Variants in CTSH observed in about 807,000 individuals in gnomAD.
The protein encoded by CTSH is pro-cathepsin H.
CTSH carries 52 observed loss-of-function variants against 56.3 expected under a neutral mutation model. The observed-to-expected ratio is 0.92, with a 90% CI of 0.74 to 1.16. CTSH has a LOEUF of 1.16. Among genes scored for constraint, CTSH ranks in the 50% most tolerant of loss-of-function variants. The pLI is 0.00. For missense variants in CTSH, 406 were observed against 424.5 expected (o/e 0.96, Z 0.38); for synonymous variants, 174 against 155.7 (o/e 1.12, Z -0.88).
rs1483597323 is a variant in CTSH, at chr15:78,934,962, A to G, written c.405+16T>C. ...TGGCCGTTTTGCAGGGAGAGGATGG[A>G]GATTGCCAGGCATACCTGATTTTTC... is the stretch of plus-strand genomic sequence containing the variant. On this transcript the variant is annotated intron_variant, in intron 5 of 11. Transcript: ENST00000220166. 4 of 1,553,356 alleles carry G rather than the reference A, an allele frequency of 2.6e-6. No individual in the cohort carries two copies. In the African/African-American group the frequency reaches 4.1e-5, roughly 16 times the overall value.
intron 5 of CTSH, among the ~76,000 whole-genome samples, chr15:78,933,974 T>G (rs146128458): frequency 1.6e-3 from 248 of 152,296 alleles, no homozygotes; most frequent in African/African-American, 4.5e-3. Context: ...GGAAAATTCT[T>G]GGTGGGCCTC....
chr15:78,935,269 G>C (rs773968528), intron 4 of CTSH, among the ~76,000 whole-genome samples, 187 bp from the exon 5 acceptor site: 2 of 152,168 alleles, frequency 1.3e-5, no homozygotes, highest in Non-Finnish European at 2.9e-5. Context: ...TGAGAGTCCA[G>C]AGCATTAGGA....
chr15:78,925,188 G>A (rs2054876185), intron 10 of CTSH, 146 bp downstream of exon 10: 3 of 589,682 alleles, frequency 5.1e-6, no homozygotes, highest in African/African-American at 1.9e-5. Context: ...TGAGGGATGT[G>A]CAAAACGCCC....
At chr15:78,943,692 A>G (rs1287002696) in intron 1 of CTSH, among the ~76,000 whole-genome samples, 4 of 152,232 alleles carry the variant, frequency 2.6e-5, no homozygotes, top group Non-Finnish European at 4.4e-5. Context: ...ACTCACTTAC[A>G]TACAATCTAT....
Position 78,944,904 on chromosome 15 carries a change from G to A in CTSH, c.78C>T (p.Cys26=), listed in dbSNP as rs887763614. 1.9e-6 allele frequency: 3 copies of A among 1,548,702 alleles called. No individual in the cohort carries two copies. The highest frequency in any genetic ancestry group is 1.7e-6 in the Non-Finnish European group (2 of 1,146,052). Residue 26 remains cysteine, a synonymous_variant, in exon 1 of 12, where the codon TGC becomes TGT. Transcript: ENST00000220166. ...CCCTCTGCGTACCTAAGGAGTTCACGCACAGTTCGGCGGCACCGCAGACGG... is the reference window on the plus strand; with the variant it reads ...CCCTCTGCGTACCTAAGGAGTTCACACACAGTTCGGCGGCACCGCAGACGG... ...GVPVCGAAEL[C]VNSLEKFHFK...
intron 10 of CTSH, 82 bp from the exon 11 acceptor site, chr15:78,923,200 G>A: frequency 6.7e-7 from 1 of 1,503,404 alleles, no homozygotes; most frequent in Non-Finnish European, 9.1e-7. Context: ...GCCTCTTTGA[G>A]CGCTTTAGAG....
Position 78,942,215 on chromosome 15 carries a change from C to CTT in CTSH, c.91+2674_91+2675dup, listed in dbSNP as rs35548397. On this transcript the variant is annotated intron_variant, in intron 1 of 11. Transcript: ENST00000220166. ...CCTCCCTCCCTCCCTTTCTTTCCTT[C>CTT]TTTTTTTTTTTTTTTTTTGAGAAGG... is the stretch of plus-strand genomic sequence containing the variant. Among the ~76,000 whole-genome samples, 133 of 110,332 alleles carry CTT rather than the reference C, an allele frequency of 1.2e-3. 1 individual carries two copies. The highest frequency in any genetic ancestry group is 4.1e-3 in the African/African-American group (113 of 27,562). The allele number at this position is 110,332 out of a possible 152,430, so 72.4% of individuals were successfully genotyped here.
rs9806439 is a variant in CTSH, at chr15:78,937,403, C to T, written c.144G>A (p.Thr48=). The T allele has an allele frequency of 3.1e-3, 4,941 of 1,614,124 alleles. 127 individuals are homozygous for T. In the African/African-American group the frequency reaches 0.055, roughly 18 times the overall value. Residue 48 remains threonine, a synonymous_variant, in exon 3 of 12, where the codon ACG becomes ACA. Transcript: ENST00000220166. ...TCTGCAGCCTGTGGTGGTACTCCTCCGTACTGTAGGTCTTACGGTGCTAAA... is the reference window on the plus strand; with the variant it reads ...TCTGCAGCCTGTGGTGGTACTCCTCTGTACTGTAGGTCTTACGGTGCTAAA... ...WMSKHRKTYS[T]EEYHHRLQTF...
intron 5 of CTSH, 90 bp from the exon 6 acceptor site, chr15:78,932,548 G>T: frequency 1.1e-6 from 1 of 951,910 alleles, no homozygotes. Flanking sequence ...GACCCTGCCA[G>T]AGCTCCCGAG....
chr15:78,935,573 G>T, intron 4 of CTSH, 107 bp downstream of exon 4: 1 of 885,824 alleles, frequency 1.1e-6, no homozygotes, highest in Non-Finnish European at 1.8e-6. Flanking sequence ...ACCCTCAGCT[G>T]CATCTGGGGA....
intron 1 of CTSH, chr15:78,944,679 G>T: frequency 1.1e-6 from 1 of 902,942 alleles, no homozygotes; most frequent in Non-Finnish European, 1.5e-6. Flanking sequence ...CAGCCCATCT[G>T]CTCCTCTGGT....
chr15:78,929,569 G>A (rs567759662), intron 7 of CTSH, 76 bp from the exon 8 acceptor site: 14 of 980,806 alleles, frequency 1.4e-5, no homozygotes, highest in African/African-American at 3.3e-5. Context: ...CTGGCGTGGC[G>A]AGATATCTGG....
chr15:78,937,793 C>T, intron 2 of CTSH: 1 of 1,301,822 alleles, frequency 7.7e-7, no homozygotes, highest in Non-Finnish European at 1.0e-6. Flanking sequence ...CCAACTGATT[C>T]TGCAACCAGT....
Position 78,935,691 on chromosome 15 carries a change from A to C in CTSH, c.289T>G (p.Ser97Ala). 1 of 1,610,866 alleles carries C rather than the reference A, an allele frequency of 6.2e-7. No individual in the cohort carries two copies. Among genetic ancestry groups the C allele is most frequent in the Middle Eastern group, 1.7e-4 (1 of 6,056 alleles). The change falls in exon 4 of 12, where the codon TCA (serine) becomes GCA (alanine). Residue 97 changes from serine (S) to alanine (A), a missense_variant. By Grantham distance (99) the Ser-to-Ala change is moderately conservative. Transcript: ENST00000220166. ...FAEIKHKYLW[S>A]EPQNCSATKS... ...TGAATTATACCTACCTGAGGCTCTG[A>C]CCAGAGATACTTGTGTTTTATTTCA...
At position 78,939,547 on chromosome 15, in the gene CTSH, C is replaced by T. The variant is rs762522763; in HGVS notation, c.92-376G>A. On this transcript the variant is annotated intron_variant, in intron 1 of 11. Transcript: ENST00000220166. The stretch of plus-strand genomic sequence containing the variant: ...GGAAATGCATACTCAATGATTTGTG[C>T]CCCTTTCTGTATGAAGTTATATTTC... 4.6e-5 allele frequency among the ~76,000 whole-genome samples: 7 copies of T among 152,256 alleles called. No homozygotes were observed. In the East Asian group the frequency reaches 9.7e-4, roughly 21 times the overall value.
Position 78,930,573 on chromosome 15 carries a change from A to T in CTSH, c.548+878T>A, listed in dbSNP as rs74828045. Among the ~76,000 whole-genome samples the T allele has an allele frequency of 0.026, 3,835 of 149,396 alleles. 422 individuals carry two copies. In the East Asian group the frequency reaches 0.34, roughly 13 times the overall value. On this transcript the variant is annotated intron_variant, in intron 7 of 11. Transcript: ENST00000220166. ...ATAAATAAATAAATAAATAAATAAA[A>T]AATAAAAACGGTGGGACCCCAGAGT...
chr15:78,935,205 C>G (rs968222892), intron 4 of CTSH, 123 bp from the exon 5 acceptor site: 1 of 679,284 alleles, frequency 1.5e-6, no homozygotes, highest in African/African-American at 1.8e-5. Flanking sequence ...CTGCAGCTCT[C>G]AGAACCTTCC....
chr15:78,939,140 C>T lies in CTSH; in HGVS notation c.123G>A (p.Lys41=). The part of the protein sequence containing the change: ...EKFHFKSWMS[K]HRKTYSTEEY... ...CAAAAAGAAGAAGTTGGGCACTGAC[C>T]TTAGACATCCATGACTTGAAGTGAA... Residue 41 remains lysine (K), a splice_region_variant and synonymous_variant, in exon 2 of 12, where the codon AAG becomes AAA. Coordinates refer to ENST00000220166, the MANE Select transcript of CTSH (RefSeq NM_004390.5). 1 of 1,597,014 alleles carries T rather than the reference C, an allele frequency of 6.3e-7. No homozygotes were observed. The highest frequency in any genetic ancestry group is 2.2e-5 in the East Asian group (1 of 44,694).
chr15:78,924,250 AAG>A (rs1330564600), intron 10 of CTSH, among the ~76,000 whole-genome samples: 6 of 152,144 alleles, frequency 3.9e-5, no homozygotes, highest in Admixed American at 2.0e-4. Flanking sequence ...AGTGTGGAAA[AAG>A]AGGGAGGACC....
Sources: gnomAD v4.1 joint callset for allele counts (sites outside exome capture counted in the v4.1 genomes callset) on GRCh38, gnomAD v4.1.1 for gene constraint, MANE v1.5 for transcripts, NCBI Gene and HGNC (gene_info 2026-07-23, HGNC 2026-07-21) for gene names.